Variants in SAMSN1 observed in about 807,000 individuals in gnomAD.
The protein encoded by SAMSN1 is SAM domain-containing protein SAMSN-1.
SAMSN1 carries 31 observed loss-of-function variants against 42.0 expected under a neutral mutation model. That is an observed-to-expected ratio of 0.74 (90% CI 0.55 to 1.00). The LOEUF (loss-of-function observed/expected upper bound fraction) is 1.00. SAMSN1 is among the 50% of genes least tolerant of loss of function. The pLI is 0.00. For missense variants in SAMSN1, 464 were observed against 439.4 expected, an observed-to-expected ratio of 1.06 and a Z score of -0.50; for synonymous variants, 178 against 151.9, an observed-to-expected ratio of 1.17 and a Z score of -1.26.
At chr21:14,614,196 T>A (rs763457502) in intron 3 of SAMSN1, among the ~76,000 whole-genome samples, 9 of 152,198 alleles carry the variant, frequency 5.9e-5, no homozygotes, top group Non-Finnish European at 1.2e-4. Flanking sequence ...TTATGCTTTT[T>A]AAAAAATAAT....
At chr21:14,597,720 C>T (rs1457859607) in intron 6 of SAMSN1, among the ~76,000 whole-genome samples, 2 of 152,144 alleles carry the variant, frequency 1.3e-5, no homozygotes, top group African/African-American at 4.8e-5. Context: ...GGGTTTCCAA[C>T]CCGGGTGCCG....
intron 2 of SAMSN1, among the ~76,000 whole-genome samples, chr21:14,554,904 C>T (rs148436996): frequency 6.6e-6 from 1 of 151,978 alleles, no homozygotes; most frequent in East Asian, 1.9e-4. Flanking sequence ...CACTGTCTTC[C>T]CAGGCTGGTC....
intron 5 of SAMSN1, among the ~76,000 whole-genome samples, chr21:14,509,447 C>T (rs1232396414): frequency 6.6e-6 from 1 of 152,180 alleles, no homozygotes; most frequent in Non-Finnish European, 1.5e-5. Context: ...AAATAGAGTG[C>T]AGTGTATACT....
intron 5 of SAMSN1, among the ~76,000 whole-genome samples, chr21:14,608,538 G>A (rs1006067866): frequency 2.6e-5 from 4 of 152,192 alleles, no homozygotes; most frequent in East Asian, 1.9e-4. Context: ...TCCTGGTGCT[G>A]TGCTGGGCTC....
intron 2 of SAMSN1, among the ~76,000 whole-genome samples, chr21:14,567,966 G>A (rs1448978023): frequency 1.3e-5 from 2 of 152,072 alleles, no homozygotes; most frequent in African/African-American, 4.8e-5. Context: ...AAAAATCAGA[G>A]AATAAAAAAT....
intron 4 of SAMSN1, chr21:14,609,578 A>T (rs1348645423): frequency 5.6e-6 from 4 of 717,866 alleles, no homozygotes; most frequent in South Asian, 4.4e-5. Flanking sequence ...TCTAAAGTGA[A>T]GCAGATAATT....
In SAMSN1 at chr21:14,498,567, T is replaced by C. The variant is rs1987005504; in HGVS notation, c.794A>G (p.Asn265Ser). 1 of 1,602,138 alleles carries C rather than the reference T, an allele frequency of 6.2e-7. No individual in the cohort carries two copies. Among genetic ancestry groups the C allele is most frequent in the African/African-American group, 1.4e-5 (1 of 73,998 alleles). The change falls in exon 7 of 8, where the codon AAT becomes AGT. Residue 265 changes from asparagine (N) to serine (S), a missense_variant. Physicochemically the swap from Asn to Ser is conservative, Grantham distance 46. Coordinates refer to ENST00000400566, the MANE Select transcript of SAMSN1 (RefSeq NM_022136.5). ...TAAATCTTCTAGAGTCTCATAACCA[T>C]TGAGCAAAAGTGTTGAGGTGTATTC... Reference protein sequence around the residue: ...LQEYTSTLLLNGYETLEDLKD... With the variant: ...LQEYTSTLLLSGYETLEDLKD...
intron 2 of SAMSN1, among the ~76,000 whole-genome samples, chr21:14,557,067 G>T (rs991789562): frequency 6.6e-6 from 1 of 152,004 alleles, no homozygotes; most frequent in African/African-American, 2.4e-5. Context: ...TCCTGGAGTG[G>T]CCCCTGCAAG....
chr21:14,506,098 C>T (rs1987388496), intron 5 of SAMSN1, among the ~76,000 whole-genome samples: 2 of 150,434 alleles, frequency 1.3e-5, no homozygotes, highest in Admixed American at 6.6e-5. Context: ...AGTGCATAGC[C>T]CTAAACACCT....
intron 1 of SAMSN1, among the ~76,000 whole-genome samples, chr21:14,655,084 A>G (rs962053707): frequency 5.9e-5 from 9 of 151,950 alleles, no homozygotes; most frequent in Admixed American, 1.3e-4. Context: ...GTAATATTAA[A>G]GAAATAATTT....
chr21:14,641,157 G>C (rs1398411915), intron 2 of SAMSN1, among the ~76,000 whole-genome samples: 2 of 152,054 alleles, frequency 1.3e-5, no homozygotes, highest in Admixed American at 6.5e-5. Context: ...ACACTAATAT[G>C]TGCAAAATAT....
chr21:14,626,456 A>T (rs1186931223), intron 2 of SAMSN1, among the ~76,000 whole-genome samples: 1 of 152,244 alleles, frequency 6.6e-6, no homozygotes, highest in Non-Finnish European at 1.5e-5. Flanking sequence ...AACCCCATCA[A>T]AAAGTGAACA....
At chr21:14,560,681 C>T (rs916181508) in intron 2 of SAMSN1, among the ~76,000 whole-genome samples, 3 of 152,210 alleles carry the variant, frequency 2.0e-5, no homozygotes, top group Admixed American at 2.0e-4. Flanking sequence ...TATTTCCCAT[C>T]TCTACTTCAT....
At chr21:14,487,848 A>G (rs1292525755) in intron 7 of SAMSN1, among the ~76,000 whole-genome samples, 1 of 152,168 alleles carries the variant, frequency 6.6e-6, no homozygotes, top group Non-Finnish European at 1.5e-5. Context: ...GACAATTTTA[A>G]TAGGCACCTA....
chr21:14,557,657 G>C (rs1980808075), intron 2 of SAMSN1, among the ~76,000 whole-genome samples: 1 of 152,148 alleles, frequency 6.6e-6, no homozygotes, highest in African/African-American at 2.4e-5. Flanking sequence ...CTTAGATTTA[G>C]CATTTAGCTG....
intron 5 of SAMSN1, among the ~76,000 whole-genome samples, chr21:14,509,065 A>C (rs1987556662): frequency 6.6e-6 from 1 of 152,008 alleles, no homozygotes; most frequent in African/African-American, 2.4e-5. Context: ...TCAGTGAACC[A>C]AGATTGTGCC....
intron 7 of SAMSN1, among the ~76,000 whole-genome samples, chr21:14,493,510 C>T (rs964324651): frequency 1.3e-5 from 2 of 150,156 alleles, no homozygotes; most frequent in African/African-American, 4.9e-5. Context: ...AGTAAACCAG[C>T]TTATTATTCT....
intron 6 of SAMSN1, among the ~76,000 whole-genome samples, chr21:14,596,810 A>G (rs1431277221): frequency 6.6e-6 from 1 of 152,150 alleles, no homozygotes; most frequent in Admixed American, 6.5e-5. Flanking sequence ...CTTGAGCGAC[A>G]CTAACCACCT....
intron 1 of SAMSN1, among the ~76,000 whole-genome samples, chr21:14,541,958 C>T (rs539040552): frequency 6.9e-6 from 1 of 145,574 alleles, no homozygotes; most frequent in Non-Finnish European, 1.5e-5. Flanking sequence ...TGTGCCTGCA[C>T]TCAAGCCTGG....
Sources: allele counts gnomAD v4.1 joint callset (sites outside exome capture counted in the v4.1 genomes callset), GRCh38; gene constraint gnomAD v4.1.1; transcripts MANE v1.5; gene names NCBI Gene and HGNC (gene_info 2026-07-23, HGNC 2026-07-21).